Variants in ZC3H7B observed in about 807,000 individuals in gnomAD.
The protein encoded by ZC3H7B is zinc finger CCCH-type containing 7B, also known as zinc finger CCCH domain-containing protein 7B.
Under a neutral mutation model 116.0 loss-of-function variants are expected in ZC3H7B, and 35 were observed. That is an observed-to-expected ratio of 0.30 (90% CI 0.23 to 0.40). The LOEUF is 0.40. Ranked by LOEUF, ZC3H7B falls within the 10% of genes least tolerant of loss-of-function variation. The pLI, the probability that ZC3H7B is intolerant of heterozygous loss-of-function variation, is 1.00. For missense variants in ZC3H7B, 1,011 were observed against 1,321.5 expected, an observed-to-expected ratio of 0.77 and a Z score of 3.64; for synonymous variants, 502 against 545.6, an observed-to-expected ratio of 0.92 and a Z score of 1.11.
Position 41,339,148 on chromosome 22 carries a change from GGGA to G in ZC3H7B, c.774_776del (p.Asp259del). On this transcript the variant is annotated inframe_deletion, in exon 9 of 23. Transcript: ENST00000352645. Reference sequence around the variant, plus strand: ...GACAGCCTGGATGACTTCTCAGACGGGGATGTCTTTGGCCCAGAGCTGGACACC... The same window carrying G: ...GACAGCCTGGATGACTTCTCAGACGGTGTCTTTGGCCCAGAGCTGGACACC... 6.2e-7 allele frequency: 1 copy of G among 1,612,838 alleles called. No homozygotes were observed. The highest frequency in any genetic ancestry group is 8.5e-7 in the Non-Finnish European group (1 of 1,179,442).
chr22:41,323,084 T>A (rs1473996369), intron 2 of ZC3H7B, among the ~76,000 whole-genome samples: 1 of 152,220 alleles, frequency 6.6e-6, no homozygotes, highest in African/African-American at 2.4e-5. Flanking sequence ...TCCTGGCCGC[T>A]TCTGGAGGGT....
rs942934286 is a variant in ZC3H7B at position 41,349,733 on chromosome 22, C to T, written c.1948+432C>T. 6.6e-6 allele frequency among the ~76,000 whole-genome samples: 1 copy of T among 152,196 alleles called. No homozygotes were observed. Among genetic ancestry groups the T allele is most frequent in the African/African-American group, 2.4e-5 (1 of 41,442 alleles). ...GCTGCGGGGATTGGAAGGTGTTCTC[C>T]ACTCACCCACCAGGGATTTACTGAG... On this transcript the variant is annotated intron_variant, in intron 16 of 22. Coordinates refer to ENST00000352645, the MANE Select transcript of ZC3H7B (RefSeq NM_017590.6). The surrounding 1 kb of genome is among the most constrained non-coding windows in gnomAD (Gnocchi z 4.9).
rs1601789260 is a variant in ZC3H7B, at chr22:41,343,654, C to T, written c.1459+78C>T. 2.1e-6 allele frequency: 3 copies of T among 1,457,276 alleles called. No homozygotes were observed. In the East Asian group the frequency reaches 7.5e-5, roughly 36 times the overall value. The allele number at this position is 1,457,276 out of a possible 1,614,324, so 90.3% of individuals were successfully genotyped here. ...CCCCAGCCGCTGCTCTACTCCCCAT[C>T]ACAGGTAGACAGAACAGGGGTGGGC... On this transcript the variant is annotated intron_variant, in intron 13 of 22. Transcript: ENST00000352645.
chr22:41,322,985 C>A (rs1423248158), intron 2 of ZC3H7B, among the ~76,000 whole-genome samples: 1 of 152,218 alleles, frequency 6.6e-6, no homozygotes, highest in African/African-American at 2.4e-5. Flanking sequence ...CCTTTTCACA[C>A]GCCCTCGGTA....
chr22:41,309,466 A>G (rs2145897032), intron 1 of ZC3H7B, among the ~76,000 whole-genome samples: 1 of 151,684 alleles, frequency 6.6e-6, no homozygotes, highest in African/African-American at 2.4e-5. Context: ...GGTGCCCACC[A>G]CTAGGCCCGG....
intron 17 of ZC3H7B, among the ~76,000 whole-genome samples, chr22:41,354,891 A>AAGGCTG (rs2036693926): frequency 6.6e-6 from 1 of 152,102 alleles, no homozygotes; most frequent in South Asian, 2.1e-4. Flanking sequence ...CCCACCGCCC[A>AAGGCTG]AGGCTGACTC....
At chr22:41,343,099 G>A (rs1287470410) in intron 12 of ZC3H7B, among the ~76,000 whole-genome samples, 1 of 152,206 alleles carries the variant, frequency 6.6e-6, no homozygotes, top group Non-Finnish European at 1.5e-5. Flanking sequence ...CTTGAACCCG[G>A]AAGGCAGAGG....
intron 6 of ZC3H7B, among the ~76,000 whole-genome samples, chr22:41,330,696 C>T (rs6002336): frequency 0.034 from 5,232 of 151,886 alleles, 288 homozygotes; most frequent in African/African-American, 0.12. Context: ...AATCCCAGCA[C>T]GTTGGGAGGC....
intron 7 of ZC3H7B, chr22:41,334,618 A>T (rs191321110): frequency 3.3e-5 from 5 of 152,382 alleles, no homozygotes; most frequent in Non-Finnish European, 7.3e-5. Context: ...AGTTTGCCCA[A>T]CATGGTACAG....
chr22:41,345,512 G>A (rs1199607638), intron 13 of ZC3H7B, among the ~76,000 whole-genome samples: 1 of 152,138 alleles, frequency 6.6e-6, no homozygotes, highest in Non-Finnish European at 1.5e-5. Flanking sequence ...TTGAATCCAG[G>A]AGGCGGAGGT....
At position 41,339,031 on chromosome 22, in the gene ZC3H7B, C is replaced by T. The variant is rs1339174295; in HGVS notation, c.656C>T (p.Ala219Val). 3 of 1,602,640 alleles carry T rather than the reference C, an allele frequency of 1.9e-6. No individual in the cohort carries two copies. The highest frequency in any genetic ancestry group is 3.4e-5 in the Admixed American group (2 of 59,342). ...TACGTGGACCCTCGAGGCTCCCCAG[C>T]CCTTCTCCCCTCCACGCCCACGATG... ...DCYVDPRGSPALLPSTPTMPL... is the reference protein window; with the variant it reads ...DCYVDPRGSPVLLPSTPTMPL... Residue 219 changes from alanine to valine, a missense_variant, in exon 9 of 23, where the codon GCC (alanine) becomes GTC (valine). Physicochemically the swap from Ala to Val is moderately conservative, Grantham distance 64 (BLOSUM62 0). Coordinates refer to ENST00000352645, the MANE Select transcript of ZC3H7B (RefSeq NM_017590.6).
Position 41,357,376 on chromosome 22 carries a change from G to C in ZC3H7B, c.2881G>C (p.Gly961Arg), listed in dbSNP as rs376800736. 16 of 1,613,126 alleles carry C rather than the reference G, an allele frequency of 9.9e-6. No individual in the cohort carries two copies. The African/African-American group carries it at 2.1e-4, about 22-fold the overall frequency. ...FLLQEDGDLA[G>R]ATPEAPAAAA... ...GCTGCAAGAGGACGGGGACCTTGCC[G>C]GTGCCACCCCAGAAGCCCCTGCTGC... Residue 961 changes from glycine (G) to arginine (R), a missense_variant, in exon 23 of 23, where the codon GGT becomes CGT. Coordinates refer to ENST00000352645, the MANE Select transcript of ZC3H7B (RefSeq NM_017590.6). The surrounding 1 kb of genome is among the most constrained non-coding windows in gnomAD (Gnocchi z 5.4).
Position 41,327,142 on chromosome 22 carries a change from C to A in ZC3H7B, c.286-64C>A. On this transcript the variant is annotated intron_variant, in intron 4 of 22. Transcript: ENST00000352645. The surrounding 1 kb of genome is among the most constrained non-coding windows in gnomAD (Gnocchi z 4.5). ...GCTGGTGTTCCTTCCTAGGCAGGGG[C>A]AGGAGGCCTGGGGGAGGGAGGGTAA... is the stretch of plus-strand genomic sequence containing the variant. 1 of 1,587,422 alleles carries A rather than the reference C, an allele frequency of 6.3e-7. No homozygotes were observed.
At chr22:41,303,139 G>T (rs140893608) in intron 1 of ZC3H7B, among the ~76,000 whole-genome samples, 2 of 152,052 alleles carry the variant, frequency 1.3e-5, no homozygotes, top group African/African-American at 2.4e-5. Flanking sequence ...TTCTTTCCCC[G>T]TGTCCACCTC....
intron 1 of ZC3H7B, among the ~76,000 whole-genome samples, chr22:41,314,171 T>A (rs919820859): frequency 4.6e-5 from 7 of 151,906 alleles, no homozygotes; most frequent in Admixed American, 2.6e-4. Flanking sequence ...TTATTTATTT[T>A]TTTGAGATGG....
chr22:41,357,601 ACCCAGGCGCACGTGCTGCAGCCC>A lies in ZC3H7B; in HGVS notation c.*175_*197del. On this transcript the variant is annotated 3_prime_UTR_variant, in exon 23 of 23. Coordinates refer to ENST00000352645, the MANE Select transcript of ZC3H7B (RefSeq NM_017590.6). The surrounding 1 kb of genome is among the most constrained non-coding windows in gnomAD (Gnocchi z 5.4). ...TCCCCACCACCGCCCCGGTGTGCGTACCCAGGCGCACGTGCTGCAGCCCCCGGAGGCCCCGCTGAAACCTGGGC... is the reference window on the plus strand; with the variant it reads ...TCCCCACCACCGCCCCGGTGTGCGTACCGGAGGCCCCGCTGAAACCTGGGC... 1.1e-6 allele frequency: 1 copy of A among 912,372 alleles called. No homozygotes were observed. The highest frequency in any genetic ancestry group is 1.6e-6 in the Non-Finnish European group (1 of 623,058). The allele number at this position is 912,372 out of a possible 1,614,324, so 56.5% of individuals were successfully genotyped here. A position where few individuals can be genotyped will look rare whatever the true frequency, so the allele number is the denominator to read the frequency against.
intron 13 of ZC3H7B, 40 bp from the exon 14 acceptor site, chr22:41,345,963 C>A (rs1250281539): frequency 1.2e-6 from 2 of 1,608,466 alleles, no homozygotes; most frequent in Non-Finnish European, 1.7e-6. Context: ...GGGCTGCTAT[C>A]CCCGCCTGGC....
chr22:41,347,984 T>C, intron 14 of ZC3H7B, 83 bp from the exon 15 acceptor site: 1 of 1,205,830 alleles, frequency 8.3e-7, no homozygotes, highest in South Asian at 1.2e-5. Context: ...CAGCTGTCCT[T>C]CCCCAGCTAG....
rs374741632 is a variant in ZC3H7B, at chr22:41,349,218, G to A, written c.1865G>A (p.Arg622His). ...FQFDVCRHEV[R>H]YGCLREDSCH... Reference sequence around the variant, plus strand: ...TTCGACGTGTGCCGCCATGAGGTGCGCTACGGCTGCCTGCGGGAGGACAGC... The same window carrying A: ...TTCGACGTGTGCCGCCATGAGGTGCACTACGGCTGCCTGCGGGAGGACAGC... Residue 622 changes from arginine (R) to histidine (H), a missense_variant, in exon 16 of 23, where the codon CGC becomes CAC. Coordinates refer to ENST00000352645, the MANE Select transcript of ZC3H7B (RefSeq NM_017590.6). The surrounding 1 kb of genome is among the most constrained non-coding windows in gnomAD (Gnocchi z 4.9). The A allele has an allele frequency of 5.6e-6, 9 of 1,613,588 alleles. No individual in the cohort carries two copies. The highest frequency in any genetic ancestry group is 1.1e-5 in the South Asian group (1 of 91,090).
Sources: allele counts gnomAD v4.1 joint callset (sites outside exome capture counted in the v4.1 genomes callset), GRCh38; gene constraint gnomAD v4.1.1; non-coding constraint Gnocchi (gnomAD v3.1); transcripts MANE v1.5; gene names NCBI Gene and HGNC (gene_info 2026-07-23, HGNC 2026-07-21).